Variants in ALKAL1 observed in about 807,000 individuals in gnomAD.
ALKAL1 encodes the protein AUG-beta.
A neutral mutation model predicts 13.5 loss-of-function variants in ALKAL1; 23 were observed. That is an observed-to-expected ratio of 1.70 (90% CI 1.23 to 2.41). The LOEUF (loss-of-function observed/expected upper bound fraction) is 2.41, where lower values mean the gene tolerates loss of function less well. Ranked by LOEUF, ALKAL1 falls within the 30% of genes most tolerant of loss-of-function variation. The pLI is 0.00. For synonymous variants in ALKAL1, 85 were observed against 77.7 expected, an observed-to-expected ratio of 1.09 and a Z score of -0.49; for missense variants, 181 against 178.4, an observed-to-expected ratio of 1.01 and a Z score of -0.08.
At chr8:52,555,955 TC>T (rs1204888122) in intron 1 of ALKAL1, among the ~76,000 whole-genome samples, 1 of 152,084 alleles carries the variant, frequency 6.6e-6, no homozygotes, top group Non-Finnish European at 1.5e-5. Context: ...TTAAAACAAA[TC>T]CCAGGTACAT....
chr8:52,542,110 A>G (rs1847319367), intron 2 of ALKAL1, among the ~76,000 whole-genome samples: 1 of 152,090 alleles, frequency 6.6e-6, no homozygotes, highest in African/African-American at 2.4e-5. Context: ...TCATCCCTTA[A>G]AGCCCACCTT....
At position 52,554,654 on chromosome 8, in the gene ALKAL1, A is replaced by T. The variant is rs141657515; in HGVS notation, c.190+10413T>A. ...AGGACAAGGTAAAGAAAAAGGAAGA[A>T]GATACCTTTTGGAATCTTTCATGGA... On this transcript the variant is annotated intron_variant, in intron 1 of 4. Transcript: ENST00000358543. Among the ~76,000 whole-genome samples, 914 of 152,336 alleles carry T rather than the reference A, an allele frequency of 6.0e-3. 10 individuals are homozygous for T. Among genetic ancestry groups the T allele is most frequent in the African/African-American group, 0.021 (874 of 41,560 alleles).
intron 1 of ALKAL1, among the ~76,000 whole-genome samples, chr8:52,553,914 C>G (rs1462122125): frequency 5.9e-5 from 9 of 152,084 alleles, no homozygotes; most frequent in Admixed American, 5.9e-4. Context: ...AAAAGATAAA[C>G]GAGATTCTTA....
chr8:52,555,947 A>G (rs1847477702), intron 1 of ALKAL1, among the ~76,000 whole-genome samples: 1 of 152,132 alleles, frequency 6.6e-6, no homozygotes, highest in Admixed American at 6.5e-5. Context: ...ATCTCTGGTT[A>G]AAACAAATCC....
chr8:52,565,126 G>C lies in ALKAL1; in HGVS notation c.131C>G (p.Pro44Arg). 4.9e-6 allele frequency: 7 copies of C among 1,417,784 alleles called. No individual in the cohort carries two copies. The highest frequency in any genetic ancestry group is 6.5e-6 in the Non-Finnish European group (7 of 1,079,628). 87.8% of individuals were successfully genotyped at this position (1,417,784 alleles called of 1,614,324 possible). Residue 44 changes from proline to arginine, a missense_variant, in exon 1 of 5, where the codon CCG becomes CGG. Physicochemically the swap from Pro to Arg is moderately radical, Grantham distance 103. Coordinates refer to ENST00000358543, the MANE Select transcript of ALKAL1 (RefSeq NM_207413.4). ...CCCGGCCGCGGGGAGGAAAAGCAACGGCTTGGGCTCCTTATCCGTGACGCG... is the reference window on the plus strand; with the variant it reads ...CCCGGCCGCGGGGAGGAAAAGCAACCGCTTGGGCTCCTTATCCGTGACGCG... ...GARVTDKEPK[P>R]LLFLPAAGAG...
At chr8:52,537,335 G>C (rs557319046) in intron 4 of ALKAL1, among the ~76,000 whole-genome samples, 2 of 152,086 alleles carry the variant, frequency 1.3e-5, no homozygotes, top group Non-Finnish European at 2.9e-5. Flanking sequence ...TGCTAGTGAG[G>C]AGCAGAGAAA....
intron 4 of ALKAL1, among the ~76,000 whole-genome samples, chr8:52,537,091 G>GAAT (rs1337246692): frequency 4.6e-5 from 7 of 152,156 alleles, no homozygotes; most frequent in African/African-American, 1.7e-4. Context: ...CCTGACAAGG[G>GAAT]ACTAATATCC....
chr8:52,535,566 A>G (rs1847258111), intron 4 of ALKAL1, among the ~76,000 whole-genome samples: 1 of 150,790 alleles, frequency 6.6e-6, no homozygotes, highest in Admixed American at 6.6e-5. Context: ...AAAAAAAAAA[A>G]AAAAAAAGGA....
chr8:52,544,178 C>T (rs1030650490), intron 1 of ALKAL1, among the ~76,000 whole-genome samples: 16 of 151,986 alleles, frequency 1.1e-4, no homozygotes, highest in Admixed American at 5.3e-4. Flanking sequence ...GGGTTGCTAC[C>T]GCTCAAATGG....
chr8:52,563,026 AT>A (rs1847566458), intron 1 of ALKAL1, among the ~76,000 whole-genome samples: 1 of 152,214 alleles, frequency 6.6e-6, no homozygotes, highest in Non-Finnish European at 1.5e-5. Context: ...CAATCAAAAA[AT>A]TAGACAACTA....
At chr8:52,537,807 C>T (rs1020530237) in intron 4 of ALKAL1, among the ~76,000 whole-genome samples, 4 of 150,934 alleles carry the variant, frequency 2.7e-5, no homozygotes, top group Non-Finnish European at 4.4e-5. Context: ...GTATTAGAAA[C>T]TAAAGAGGGC....
intron 1 of ALKAL1, among the ~76,000 whole-genome samples, chr8:52,557,172 G>A (rs1184099144): frequency 1.3e-5 from 2 of 152,208 alleles, no homozygotes; most frequent in Non-Finnish European, 2.9e-5. Flanking sequence ...AAGCAGTCAT[G>A]ATGATATTCA....
chr8:52,545,255 C>T (rs927991639), intron 1 of ALKAL1, among the ~76,000 whole-genome samples: 1 of 152,162 alleles, frequency 6.6e-6, no homozygotes, highest in Non-Finnish European at 1.5e-5. Context: ...AAGCTACATA[C>T]ATCCCTCACG....
intron 1 of ALKAL1, among the ~76,000 whole-genome samples, chr8:52,546,395 C>T (rs898248782): frequency 5.3e-5 from 8 of 152,264 alleles, no homozygotes; most frequent in African/African-American, 1.9e-4. Flanking sequence ...CATTAAAGTT[C>T]GTCTTGCTTT....
At chr8:52,559,727 T>A (rs541601110) in intron 1 of ALKAL1, among the ~76,000 whole-genome samples, 1 of 152,190 alleles carries the variant, frequency 6.6e-6, no homozygotes, top group African/African-American at 2.4e-5. Flanking sequence ...AATACTGTAT[T>A]GTCTAAATAT....
intron 1 of ALKAL1, among the ~76,000 whole-genome samples, chr8:52,558,171 T>TATATATAC (rs1847503755): frequency 6.7e-6 from 1 of 148,930 alleles, no homozygotes; most frequent in Non-Finnish European, 1.5e-5. Context: ...CGTATATATA[T>TATATATAC]ACACACACAT....
chr8:52,534,685 T>C, intron 4 of ALKAL1, 85 bp from the exon 5 acceptor site: 1 of 489,368 alleles, frequency 2.0e-6, no homozygotes, highest in East Asian at 3.3e-5. Flanking sequence ...CAGTTTTATT[T>C]TGCTTAAAGA....
chr8:52,558,347 CAAAAAAAAA>C (rs398007812), intron 1 of ALKAL1, among the ~76,000 whole-genome samples: 6 of 18,874 alleles, frequency 3.2e-4, no homozygotes, highest in Admixed American at 1.9e-3. Flanking sequence ...GACTCCATCT[CAAAAAAAAA>C]AAAAAAAAAA....
intron 1 of ALKAL1, among the ~76,000 whole-genome samples, chr8:52,557,777 G>A (rs1847499633): frequency 6.6e-6 from 1 of 152,088 alleles, no homozygotes; most frequent in Non-Finnish European, 1.5e-5. Context: ...TTGAGGTCAG[G>A]AGTTTGAGAC....
Sources: gnomAD v4.1 joint callset for allele counts (sites outside exome capture counted in the v4.1 genomes callset) on GRCh38, gnomAD v4.1.1 for gene constraint, MANE v1.5 for transcripts, NCBI Gene and HGNC (gene_info 2026-07-23, HGNC 2026-07-21) for gene names.